The following ADAM22 variants were observed in gnomAD, a reference collection of about 807,000 sequenced individuals.
ADAM22 encodes the protein ADAM metallopeptidase domain 22.
Under a neutral mutation model 144.6 loss-of-function variants are expected in ADAM22, and 65 were observed. The observed-to-expected ratio is 0.45, with a 90% CI of 0.37 to 0.55. The LOEUF is 0.55. ADAM22 is among the 20% of genes least tolerant of loss of function. ADAM22 has a pLI of 0.00. For synonymous variants in ADAM22, 391 were observed against 412.6 expected, an observed-to-expected ratio of 0.95 and a Z score of 0.63; for missense variants, 974 against 1,184.9, an observed-to-expected ratio of 0.82 and a Z score of 2.61.
intron 2 of ADAM22, among the ~76,000 whole-genome samples, chr7:87,960,101 T>A (rs554065643): frequency 2.6e-5 from 4 of 152,346 alleles, no homozygotes; most frequent in Non-Finnish European, 5.9e-5. Context: ...AACTTCCATG[T>A]TCTTGCAGTG....
chr7:88,148,337 A>G (rs1028912022), intron 17 of ADAM22, among the ~76,000 whole-genome samples: 4 of 152,184 alleles, frequency 2.6e-5, no homozygotes, highest in African/African-American at 9.6e-5. Flanking sequence ...TACTCCTGCA[A>G]TTCACATTTT....
chr7:87,947,513 A>G (rs1414235622), intron 2 of ADAM22, among the ~76,000 whole-genome samples: 1 of 152,042 alleles, frequency 6.6e-6, no homozygotes, highest in East Asian at 1.9e-4. Flanking sequence ...AGAATCCTCT[A>G]AAGTAAAAAA....
chr7:87,944,460 G>A (rs1843090962), intron 2 of ADAM22, among the ~76,000 whole-genome samples: 1 of 152,150 alleles, frequency 6.6e-6, no homozygotes, highest in Non-Finnish European at 1.5e-5. Flanking sequence ...TATCCTGTTA[G>A]TGTTCTGTTG....
rs778098154 is a variant in ADAM22, at chr7:88,128,608, C to G, written c.685C>G (p.Arg229Gly). 2.1e-5 allele frequency: 34 copies of G among 1,610,954 alleles called. No individual in the cohort carries two copies. The highest frequency in any genetic ancestry group is 2.6e-5 in the Non-Finnish European group (31 of 1,177,676). ...RPKRSKRQLR[R>G]YPRNVEEETK... ...TTCCTTTCCTGTGTTACAGCTTCGT[C>G]GATATCCTCGTAATGTAGAAGAAGA... The change falls in exon 9 of 32, where the codon CGA becomes GGA. Residue 229 changes from arginine to glycine, a missense_variant. Transcript: ENST00000413139.
chr7:87,984,377 T>G (rs918552419), intron 3 of ADAM22, among the ~76,000 whole-genome samples: 1 of 152,082 alleles, frequency 6.6e-6, no homozygotes, highest in Non-Finnish European at 1.5e-5. Context: ...ATAGGCCTTG[T>G]TGTGGAGGGT....
chr7:88,031,449 A>G (rs1190414522), intron 3 of ADAM22, among the ~76,000 whole-genome samples: 2 of 152,200 alleles, frequency 1.3e-5, no homozygotes, highest in Non-Finnish European at 1.5e-5. Context: ...TGAGGAACTT[A>G]TTGGGGACTG....
At chr7:88,178,912 C>G (rs1000774969) in intron 26 of ADAM22, 23 bp from the exon 27 acceptor site, 1 of 1,514,402 alleles carries the variant, frequency 6.6e-7, no homozygotes, top group Non-Finnish European at 9.0e-7. Context: ...TTTTCTGACT[C>G]TGAAATGTTT....
chr7:88,071,998 G>A (rs1812962722), intron 3 of ADAM22, among the ~76,000 whole-genome samples: 1 of 152,090 alleles, frequency 6.6e-6, no homozygotes, highest in African/African-American at 2.4e-5. Flanking sequence ...TCTACTTCAG[G>A]AAGCTTCAAG....
At position 88,134,411 on chromosome 7, in the gene ADAM22, T is replaced by C. The variant is rs760787013; in HGVS notation, c.1160T>C (p.Leu387Ser). 1 of 1,607,616 alleles carries C rather than the reference T, an allele frequency of 6.2e-7. No homozygotes were observed. Among genetic ancestry groups the C allele is most frequent in the Non-Finnish European group, 8.5e-7 (1 of 1,176,408 alleles). The change falls in exon 13 of 32, where the codon TTA (leucine) becomes TCA (serine). Residue 387 changes from leucine to serine, a missense_variant. Coordinates refer to ENST00000413139, the MANE Select transcript of ADAM22 (RefSeq NM_001324418.2). ...GGTATTATCTCAGACAAAAGAAAGT[T>C]AGCAAGTGGTAAGTTTTAGTACATG... is the stretch of plus-strand genomic sequence containing the variant. ...NIGIISDKRK[L>S]ASGECKCEDT...
At chr7:88,171,585 C>T (rs774523133) in intron 26 of ADAM22, 24 bp downstream of exon 26, 12 of 1,562,594 alleles carry the variant, frequency 7.7e-6, no homozygotes, top group Non-Finnish European at 1.0e-5. Flanking sequence ...ATAATGTGAA[C>T]ATAAAACTGA....
At chr7:88,069,073 C>T (rs182475706) in intron 3 of ADAM22, among the ~76,000 whole-genome samples, 82 of 152,126 alleles carry the variant, frequency 5.4e-4, no homozygotes, top group African/African-American at 1.9e-3. Context: ...GTTGGATTCC[C>T]TCTTGCTTCT....
intron 30 of ADAM22, among the ~76,000 whole-genome samples, chr7:88,192,376 C>A (rs1481415814): frequency 6.6e-6 from 1 of 152,162 alleles, no homozygotes; most frequent in East Asian, 1.9e-4. Flanking sequence ...TAGATAGGGG[C>A]TTGTCTAGTA....
chr7:88,035,659 G>T (rs577930608), intron 3 of ADAM22, among the ~76,000 whole-genome samples: 2 of 152,106 alleles, frequency 1.3e-5, no homozygotes, highest in Non-Finnish European at 2.9e-5. Context: ...AACAATTTAC[G>T]TAGCATTCAT....
chr7:88,174,819 C>T (rs1845237611), intron 26 of ADAM22, among the ~76,000 whole-genome samples: 1 of 152,002 alleles, frequency 6.6e-6, no homozygotes, highest in African/African-American at 2.4e-5. Context: ...TTCTCTCTCA[C>T]CTGTTTTAGC....
At chr7:88,048,895 G>T (rs997109050) in intron 3 of ADAM22, among the ~76,000 whole-genome samples, 1 of 151,860 alleles carries the variant, frequency 6.6e-6, no homozygotes, top group Non-Finnish European at 1.5e-5. Context: ...AGTGTGTTTT[G>T]TCAGAGGGAT....
At chr7:87,957,781 A>G (rs181175515) in intron 2 of ADAM22, among the ~76,000 whole-genome samples, 1 of 152,188 alleles carries the variant, frequency 6.6e-6, no homozygotes, top group East Asian at 1.9e-4. Context: ...ACGGGGTTTC[A>G]CCATGTTAGC....
intron 2 of ADAM22, among the ~76,000 whole-genome samples, chr7:87,973,153 A>C (rs77103647): frequency 0.59 from 90,140 of 152,012 alleles, 27,721 homozygotes; most frequent in African/African-American, 0.76. Flanking sequence ...AGTGAACAAG[A>C]AACCTACAGA....
At chr7:88,095,845 T>G (rs1365897233) in intron 4 of ADAM22, among the ~76,000 whole-genome samples, 2 of 152,094 alleles carry the variant, frequency 1.3e-5, no homozygotes, top group Non-Finnish European at 2.9e-5. Context: ...CTCCTGTTAG[T>G]TTTTATTTTT....
At position 88,126,766 on chromosome 7, in the gene ADAM22, TG is replaced by T. The variant is rs575608090; in HGVS notation, c.678+1108del. On this transcript the variant is annotated intron_variant, in intron 8 of 31. Transcript: ENST00000413139. ...TGCTCCAGTGAGCATTTCTTTTGAG[TG>T]TCCTATTGGTGCTCAAAAAGTTTTT... Among the ~76,000 whole-genome samples the T allele has an allele frequency of 2.9e-3, 434 of 152,076 alleles. 2 individuals carry two copies. Among genetic ancestry groups the T allele is most frequent in the African/African-American group, 0.01 (419 of 41,512 alleles).
Sources: allele counts gnomAD v4.1 joint callset (sites outside exome capture counted in the v4.1 genomes callset), GRCh38; gene constraint gnomAD v4.1.1; transcripts MANE v1.5; gene names NCBI Gene and HGNC (gene_info 2026-07-23, HGNC 2026-07-21).